Variants in HCN1 observed in about 807,000 individuals in gnomAD.
The protein encoded by HCN1 is potassium/sodium hyperpolarization-activated cyclic nucleotide-gated channel 1.
A neutral mutation model predicts 78.9 loss-of-function variants in HCN1; 13 were observed. The observed-to-expected ratio is 0.16, with a 90% CI of 0.11 to 0.26. The LOEUF is 0.26. HCN1 is among the 10% of genes least tolerant of loss of function. The pLI, the probability that HCN1 is intolerant of heterozygous loss-of-function variation, is 1.00. For missense variants in HCN1, 810 were observed against 1,154.3 expected (o/e 0.70, Z 4.32); for synonymous variants, 552 against 455.5 (o/e 1.21, Z -2.70).
intron 2 of HCN1, among the ~76,000 whole-genome samples, chr5:45,550,962 A>T (rs751496595): frequency 6.6e-6 from 1 of 152,010 alleles, no homozygotes; most frequent in Non-Finnish European, 1.5e-5. Context: ...ATTTGTTAGA[A>T]ATAGAGAAAA....
intron 3 of HCN1, among the ~76,000 whole-genome samples, chr5:45,433,693 G>A (rs1272251604): frequency 6.6e-6 from 1 of 152,058 alleles, no homozygotes; most frequent in Admixed American, 6.6e-5. Context: ...TCATTAGCCT[G>A]GCAAAATATG....
chr5:45,480,249 C>T (rs1460176570), intron 2 of HCN1: 2 of 152,356 alleles, frequency 1.3e-5, no homozygotes, highest in African/African-American at 4.8e-5. Flanking sequence ...AATTCTAATA[C>T]AAAAGTTATC....
intron 2 of HCN1, among the ~76,000 whole-genome samples, chr5:45,639,516 G>A (rs62369135): frequency 2.6e-5 from 4 of 152,068 alleles, no homozygotes; most frequent in East Asian, 1.9e-4. Context: ...AAATAATGTC[G>A]CAGTTGAAAT....
chr5:45,348,484 T>A (rs186774059), intron 5 of HCN1, among the ~76,000 whole-genome samples: 23 of 152,228 alleles, frequency 1.5e-4, no homozygotes, highest in Admixed American at 1.0e-3. Context: ...CCAGCTAACA[T>A]CATAATGACA....
At chr5:45,667,064 TTTGATCAGTATAGTAA>T (rs1193953060) in intron 1 of HCN1, among the ~76,000 whole-genome samples, 7 of 152,084 alleles carry the variant, frequency 4.6e-5, no homozygotes, top group Middle Eastern at 3.4e-3. Context: ...GAGAACTTAG[TTTGATCAGTATAGTAA>T]GAGGAAGAGG....
chr5:45,389,043 A>G (rs540502393), intron 4 of HCN1, among the ~76,000 whole-genome samples: 5 of 151,772 alleles, frequency 3.3e-5, no homozygotes, highest in Middle Eastern at 3.4e-3. Flanking sequence ...TAATCTCATC[A>G]CTCTTCCATT....
chr5:45,344,518 C>T (rs758966304), intron 5 of HCN1, among the ~76,000 whole-genome samples: 1 of 152,264 alleles, frequency 6.6e-6, no homozygotes, highest in Non-Finnish European at 1.5e-5. Flanking sequence ...CTCAAAAGCA[C>T]ATTACTTACT....
In HCN1 at chr5:45,567,414, A is replaced by G. The variant is rs560506121; in HGVS notation, c.849+77771T>C. ...ATGCAGTGAGGAATATCCATAAAAA[A>G]GGAAGGAGCTGCAGGAGTACAGAGC... On this transcript the variant is annotated intron_variant, in intron 2 of 7. Coordinates refer to ENST00000303230, the MANE Select transcript of HCN1 (RefSeq NM_021072.4). Among the ~76,000 whole-genome samples, 101 of 152,260 alleles carry G rather than the reference A, an allele frequency of 6.6e-4. 1 individual carries two copies. Among genetic ancestry groups the G allele is most frequent in the African/African-American group, 2.3e-3 (94 of 41,566 alleles).
chr5:45,491,952 T>C (rs1054329820), intron 2 of HCN1, among the ~76,000 whole-genome samples: 2 of 152,266 alleles, frequency 1.3e-5, no homozygotes, highest in South Asian at 2.1e-4. Context: ...TTAACACTTA[T>C]GAAATTTTAT....
intron 5 of HCN1, among the ~76,000 whole-genome samples, chr5:45,348,329 C>T (rs774428406): frequency 6.6e-6 from 1 of 152,070 alleles, no homozygotes; most frequent in South Asian, 2.1e-4. Context: ...GAGATTTTGT[C>T]ACCAGCAGGC....
chr5:45,409,266 G>A (rs1485417916), intron 3 of HCN1, among the ~76,000 whole-genome samples: 1 of 151,982 alleles, frequency 6.6e-6, no homozygotes, highest in Non-Finnish European at 1.5e-5. Context: ...CGATGTGTGT[G>A]TTTTAATGGA....
rs1745682893 is a variant in HCN1, at chr5:45,651,897, GCTAA to G, written c.426-6293_426-6290del. Among the ~76,000 whole-genome samples, 3 of 151,990 alleles carry G rather than the reference GCTAA, an allele frequency of 2.0e-5. No individual in the cohort carries two copies. The South Asian group carries it at 6.2e-4, about 31-fold the overall frequency. On this transcript the variant is annotated intron_variant, in intron 1 of 7. Transcript: ENST00000303230. ...CATAGGCAATTTGGAGTGGAAATAT[GCTAA>G]CTTTCTTAAAATAGTAAACCCTTGC...
At position 45,303,537 on chromosome 5, in the gene HCN1, TTCTTAAAGATACAAA is replaced by T. The variant is rs1426109075; in HGVS notation, c.1618+47_1618+61del. On this transcript the variant is annotated intron_variant, in intron 6 of 7. Transcript: ENST00000303230. ...AACTGACATGCTGACATCTCCAAAA[TTCTTAAAGATACAAA>T]TCTCAAGCAGTTTAGATTTCATCTT... 4.4e-6 allele frequency: 7 copies of T among 1,579,208 alleles called. No homozygotes were observed. The Admixed American group carries it at 6.7e-5, about 15-fold the overall frequency.
intron 6 of HCN1, among the ~76,000 whole-genome samples, chr5:45,271,292 T>G (rs770643148): frequency 1.3e-5 from 2 of 151,580 alleles, no homozygotes; most frequent in Non-Finnish European, 2.9e-5. Flanking sequence ...TCTTGCCAGT[T>G]AATGAGGTAG....
At chr5:45,579,784 G>T (rs1005219768) in intron 2 of HCN1, among the ~76,000 whole-genome samples, 9 of 152,122 alleles carry the variant, frequency 5.9e-5, no homozygotes, top group East Asian at 3.9e-4. Context: ...TAAAAAGAGA[G>T]AAAAAGAAAA....
chr5:45,560,842 T>G (rs961803472), intron 2 of HCN1, among the ~76,000 whole-genome samples: 1 of 152,130 alleles, frequency 6.6e-6, no homozygotes, highest in Non-Finnish European at 1.5e-5. Context: ...AAGATTCATT[T>G]TCTGGTTCGT....
At chr5:45,468,640 T>C (rs1251008029) in intron 2 of HCN1, among the ~76,000 whole-genome samples, 2 of 152,088 alleles carry the variant, frequency 1.3e-5, no homozygotes, top group Non-Finnish European at 2.9e-5. Context: ...ATGAAAAGTG[T>C]GTTTTTTATG....
intron 2 of HCN1, among the ~76,000 whole-genome samples, chr5:45,537,817 C>T (rs777542929): frequency 2.4e-4 from 37 of 151,852 alleles, no homozygotes; most frequent in Non-Finnish European, 2.8e-4. Flanking sequence ...GTGCTGTTAG[C>T]CATTTGACTA....
chr5:45,595,138 T>C (rs984737110), intron 2 of HCN1, among the ~76,000 whole-genome samples: 1 of 152,176 alleles, frequency 6.6e-6, no homozygotes, highest in African/African-American at 2.4e-5. Context: ...GAAATGCAGA[T>C]ATATACAGTG....
Sources: gnomAD v4.1 joint callset for allele counts (sites outside exome capture counted in the v4.1 genomes callset) on GRCh38, gnomAD v4.1.1 for gene constraint, MANE v1.5 for transcripts, NCBI Gene and HGNC (gene_info 2026-07-23, HGNC 2026-07-21) for gene names.